TENM2: variants seen among roughly 807,000 people sequenced by gnomAD.
TENM2 encodes teneurin transmembrane protein 2.
A neutral mutation model predicts 245.2 loss-of-function variants in TENM2; 52 were observed. The ratio of observed to expected loss-of-function variants is 0.21; its 90% confidence interval spans 0.17 to 0.27. The LOEUF (loss-of-function observed/expected upper bound fraction) is 0.27, where lower values mean the gene tolerates loss of function less well. Among genes scored for constraint, TENM2 ranks in the 10% least tolerant of loss-of-function variants. The pLI, the probability that TENM2 is intolerant of heterozygous loss-of-function variation, is 1.00. For missense variants in TENM2, 3,046 were observed against 3,666.8 expected, an observed-to-expected ratio of 0.83 and a Z score of 4.37; for synonymous variants, 1,363 against 1,438.9, an observed-to-expected ratio of 0.95 and a Z score of 1.19.
chr5:166,986,236 G>A, the TENM2 span, among the ~76,000 whole-genome samples: 1 of 152,138 alleles, frequency 6.6e-6, no homozygotes, highest in Admixed American at 6.5e-5. Flanking sequence ...TAGATTTTGT[G>A]TTTGGCCTTA....
intron 2 of TENM2, among the ~76,000 whole-genome samples, chr5:167,468,392 G>A (rs574170387): frequency 2.9e-4 from 44 of 152,302 alleles, no homozygotes; most frequent in Non-Finnish European, 5.9e-4. Flanking sequence ...AGCATAAGGT[G>A]AATTTTAATA....
chr5:167,918,689 A>G (rs1032451520), intron 3 of TENM2, among the ~76,000 whole-genome samples: 4 of 151,882 alleles, frequency 2.6e-5, no homozygotes, highest in Admixed American at 6.5e-5. Flanking sequence ...TAATCTTTCT[A>G]TTAGAGAGAC....
At chr5:167,909,660 T>C (rs1481600477) in intron 3 of TENM2, among the ~76,000 whole-genome samples, 1 of 152,182 alleles carries the variant, frequency 6.6e-6, no homozygotes, top group Non-Finnish European at 1.5e-5. Flanking sequence ...CATTTTTAAG[T>C]AAAAACAGAC....
chr5:167,089,875 G>A, the TENM2 span, among the ~76,000 whole-genome samples: 1 of 152,278 alleles, frequency 6.6e-6, no homozygotes, highest in South Asian at 2.1e-4. Flanking sequence ...TTAGATAGGA[G>A]CTCAGCGAGG....
intron 2 of TENM2, among the ~76,000 whole-genome samples, chr5:167,615,642 T>G (rs1777743667): frequency 6.6e-6 from 1 of 152,126 alleles, no homozygotes; most frequent in South Asian, 2.1e-4. Flanking sequence ...GACAGATTTT[T>G]TTTGAACCTT....
At chr5:168,175,503 A>T (rs1759277968) in intron 13 of TENM2, among the ~76,000 whole-genome samples, 1 of 152,216 alleles carries the variant, frequency 6.6e-6, no homozygotes. Flanking sequence ...ACATAGGCTT[A>T]CAAAAATCTT....
chr5:166,991,899 TTATTCA>T, the TENM2 span, among the ~76,000 whole-genome samples: 1 of 152,276 alleles, frequency 6.6e-6, no homozygotes, highest in African/African-American at 2.4e-5. Context: ...GGCCTCCAAC[TTATTCA>T]TATTCATAGT....
intron 2 of TENM2, among the ~76,000 whole-genome samples, chr5:167,537,842 C>T: frequency 6.6e-6 from 1 of 152,170 alleles, no homozygotes; most frequent in Non-Finnish European, 1.5e-5. Context: ...GAGTAGGATG[C>T]CTGTAGATAC....
At chr5:167,229,899 G>T in the TENM2 span, among the ~76,000 whole-genome samples, 3 of 152,206 alleles carry the variant, frequency 2.0e-5, no homozygotes, top group African/African-American at 7.2e-5. Flanking sequence ...TAGGAAGACA[G>T]CTTCTAGGAC....
chr5:167,998,967 AC>A (rs1182227276), intron 5 of TENM2, among the ~76,000 whole-genome samples: 3 of 152,218 alleles, frequency 2.0e-5, no homozygotes, highest in African/African-American at 7.2e-5. Context: ...GTTGAGACTC[AC>A]GCTGATGAAT....
At chr5:168,021,311 CT>C (rs1786121727) in intron 5 of TENM2, among the ~76,000 whole-genome samples, 2 of 152,194 alleles carry the variant, frequency 1.3e-5, no homozygotes, top group South Asian at 4.1e-4. Context: ...AAAACATGTA[CT>C]GGATAACTAA....
chr5:166,986,208 T>C, the TENM2 span, among the ~76,000 whole-genome samples: 1 of 152,178 alleles, frequency 6.6e-6, no homozygotes, highest in Non-Finnish European at 1.5e-5. Context: ...ATAGCACCAC[T>C]AACACAGTGA....
chr5:167,058,408 AT>A, the TENM2 span, among the ~76,000 whole-genome samples: 1 of 152,216 alleles, frequency 6.6e-6, no homozygotes, highest in African/African-American at 2.4e-5. Flanking sequence ...AAATATGTTA[AT>A]TACTTAAAAA....
At chr5:168,086,166 C>T (rs1025294088) in intron 7 of TENM2, among the ~76,000 whole-genome samples, 7 of 152,268 alleles carry the variant, frequency 4.6e-5, no homozygotes, top group Middle Eastern at 3.4e-3. Context: ...CTGGGCTGCC[C>T]GGTCCCTGCC....
the TENM2 span, among the ~76,000 whole-genome samples, chr5:167,247,472 A>G: frequency 6.6e-6 from 1 of 152,202 alleles, no homozygotes; most frequent in African/African-American, 2.4e-5. Flanking sequence ...ATTAAAAATA[A>G]TTAAAACAAT....
At chr5:167,609,818 C>T (rs1777352075) in intron 2 of TENM2, among the ~76,000 whole-genome samples, 1 of 152,082 alleles carries the variant, frequency 6.6e-6, no homozygotes, top group Non-Finnish European at 1.5e-5. Context: ...TTCTGGTCAC[C>T]AAAATGTGTG....
intron 2 of TENM2, among the ~76,000 whole-genome samples, chr5:167,690,870 C>A (rs1004449129): frequency 1.9e-4 from 27 of 142,054 alleles, no homozygotes; most frequent in African/African-American, 7.0e-4. Context: ...TATGTATGTA[C>A]GTATATATTC....
At position 167,405,518 on chromosome 5, in the gene TENM2, G is replaced by A. The variant is rs187541978; in HGVS notation, c.502+30045G>A. Reference sequence around the variant, plus strand: ...ATCACATAATATGAGCCTTCCCAAGGAGCTCTTATATATTGTTTATAAAGG... The same window carrying A: ...ATCACATAATATGAGCCTTCCCAAGAAGCTCTTATATATTGTTTATAAAGG... On this transcript the variant is annotated intron_variant, in intron 2 of 28. Coordinates refer to ENST00000518659, the Ensembl canonical transcript of TENM2. 4.6e-5 allele frequency among the ~76,000 whole-genome samples: 7 copies of A among 152,016 alleles called. No homozygotes were observed. In the East Asian group the frequency reaches 9.7e-4, roughly 21 times the overall value.
intron 2 of TENM2, among the ~76,000 whole-genome samples, chr5:167,780,567 A>G (rs1429511042): frequency 6.6e-6 from 1 of 152,248 alleles, no homozygotes; most frequent in Non-Finnish European, 1.5e-5. Context: ...CAAGAAAGCC[A>G]TGATGTGCCT....
Sources: gnomAD v4.1 joint callset for allele counts (sites outside exome capture counted in the v4.1 genomes callset) on GRCh38, gnomAD v4.1.1 for gene constraint, MANE v1.5 for transcripts, NCBI Gene and HGNC (gene_info 2026-07-23, HGNC 2026-07-21) for gene names.